LHFPL3: variants seen among roughly 807,000 people sequenced by gnomAD.
The protein encoded by LHFPL3 is LHFPL tetraspan subfamily member 3.
In LHFPL3, 5 loss-of-function variants were observed where a neutral mutation model predicts 19.3. The ratio of observed to expected loss-of-function variants is 0.26; its 90% confidence interval spans 0.14 to 0.54. The LOEUF (loss-of-function observed/expected upper bound fraction) is 0.54, where lower values mean the gene tolerates loss of function less well. LHFPL3 is among the 20% of genes least tolerant of loss of function. The pLI is 0.94. For missense variants in LHFPL3, 249 were observed against 307.4 expected (o/e 0.81, Z 1.42); for synonymous variants, 133 against 126.2 (o/e 1.05, Z -0.36).
At chr7:104,795,894 G>A (rs980168261) in intron 2 of LHFPL3, among the ~76,000 whole-genome samples, 6 of 152,316 alleles carry the variant, frequency 3.9e-5, no homozygotes, top group Non-Finnish European at 7.3e-5. Context: ...GGCAGCAAAT[G>A]AGCCAGGATG....
At chr7:104,801,706 G>C (rs1790249850) in intron 2 of LHFPL3, among the ~76,000 whole-genome samples, 1 of 152,096 alleles carries the variant, frequency 6.6e-6, no homozygotes, top group African/African-American at 2.4e-5. Context: ...AAGTAGTTGG[G>C]ACTACAGGCA....
intron 1 of LHFPL3, among the ~76,000 whole-genome samples, chr7:104,573,785 A>G (rs1584411309): frequency 6.6e-6 from 1 of 152,212 alleles, no homozygotes; most frequent in African/African-American, 2.4e-5. Context: ...TCTCAACATT[A>G]TCATTTATTC....
chr7:104,654,668 GTAA>G (rs763165307), intron 1 of LHFPL3, among the ~76,000 whole-genome samples: 4 of 152,204 alleles, frequency 2.6e-5, no homozygotes, highest in Non-Finnish European at 5.9e-5. Context: ...AATGGTTGTA[GTAA>G]TAATACTTGT....
At chr7:104,575,101 T>C (rs1241196111) in intron 1 of LHFPL3, among the ~76,000 whole-genome samples, 1 of 145,434 alleles carries the variant, frequency 6.9e-6, no homozygotes, top group Non-Finnish European at 1.5e-5. Flanking sequence ...GGAACACAAA[T>C]AACAGAAGAC....
chr7:104,587,315 T>C (rs921138798), intron 1 of LHFPL3, among the ~76,000 whole-genome samples: 4 of 152,142 alleles, frequency 2.6e-5, no homozygotes, highest in South Asian at 4.1e-4. Context: ...TTCCCCACCC[T>C]GTGTCCAAGT....
At chr7:104,769,705 C>A (rs547273824) in intron 2 of LHFPL3, among the ~76,000 whole-genome samples, 1 of 151,582 alleles carries the variant, frequency 6.6e-6, no homozygotes, top group Non-Finnish European at 1.5e-5. Flanking sequence ...TGAGAACATG[C>A]GGTGTTTGGT....
chr7:104,644,669 T>TAGCTGTGG (rs1469180158), intron 1 of LHFPL3, among the ~76,000 whole-genome samples: 1 of 152,176 alleles, frequency 6.6e-6, no homozygotes, highest in East Asian at 1.9e-4. Context: ...GCTTTATACT[T>TAGCTGTGG]AGCTGTGGAG....
chr7:104,491,707 T>C (rs1039454398), intron 1 of LHFPL3, among the ~76,000 whole-genome samples: 2 of 152,310 alleles, frequency 1.3e-5, no homozygotes, highest in South Asian at 2.1e-4. Context: ...CATAAAGCAA[T>C]GTGCACAGAA....
At chr7:104,386,815 G>C (rs192449818) in intron 1 of LHFPL3, among the ~76,000 whole-genome samples, 1 of 151,944 alleles carries the variant, frequency 6.6e-6, no homozygotes, top group Admixed American at 6.6e-5. Flanking sequence ...ATTATTTCAA[G>C]AAAGCCACTA....
chr7:104,365,797 A>AAGAAAAAAAAG (rs1554381873), intron 1 of LHFPL3, among the ~76,000 whole-genome samples: 3 of 125,968 alleles, frequency 2.4e-5, no homozygotes, highest in Non-Finnish European at 3.3e-5. Context: ...CAAAAAAAAA[A>AAGAAAAAAAAG]AAAAAAAAGA....
intron 1 of LHFPL3, among the ~76,000 whole-genome samples, chr7:104,442,221 C>A (rs1584322891): frequency 1.5e-5 from 2 of 133,126 alleles, no homozygotes; most frequent in South Asian, 5.3e-4. Flanking sequence ...CTATTCAATT[C>A]TTTGCTCATT....
intron 1 of LHFPL3, chr7:104,622,964 A>T: frequency 3.1e-6 from 1 of 321,570 alleles, no homozygotes; most frequent in Non-Finnish European, 6.4e-6. Flanking sequence ...TTTATCTGTC[A>T]TTTTTATTAT....
At chr7:104,791,932 C>T (rs150798716) in intron 2 of LHFPL3, among the ~76,000 whole-genome samples, 2 of 152,270 alleles carry the variant, frequency 1.3e-5, no homozygotes, top group African/African-American at 4.8e-5. Flanking sequence ...CTTGGGATAG[C>T]ATGCTCTCAG....
At chr7:104,542,586 A>G (rs368175546) in intron 1 of LHFPL3, among the ~76,000 whole-genome samples, 16 of 151,862 alleles carry the variant, frequency 1.1e-4, no homozygotes, top group Admixed American at 1.0e-3. Flanking sequence ...CCAAGAGACC[A>G]TGAATAGACA....
intron 1 of LHFPL3, among the ~76,000 whole-genome samples, chr7:104,349,073 T>A (rs144845792): frequency 6.6e-6 from 1 of 151,888 alleles, no homozygotes; most frequent in East Asian, 1.9e-4. Flanking sequence ...AAGTTAAAAC[T>A]CTCTGGGAAG....
chr7:104,703,036 A>T (rs1793131086), intron 1 of LHFPL3, among the ~76,000 whole-genome samples: 1 of 152,164 alleles, frequency 6.6e-6, no homozygotes, highest in Non-Finnish European at 1.5e-5. Context: ...TGAAATAAAG[A>T]TTTCTATTTC....
chr7:104,496,006 A>G (rs1281045612), intron 1 of LHFPL3, among the ~76,000 whole-genome samples: 1 of 152,156 alleles, frequency 6.6e-6, no homozygotes, highest in Non-Finnish European at 1.5e-5. Flanking sequence ...TTTAGGATAC[A>G]TGTGCACAAC....
chr7:104,612,693 C>T (rs1343219211), intron 1 of LHFPL3, among the ~76,000 whole-genome samples: 12 of 152,156 alleles, frequency 7.9e-5, no homozygotes, highest in Admixed American at 2.6e-4. Context: ...CTTCATGCCG[C>T]TCAGCTGATT....
chr7:104,655,363 T>A (rs1228750959), intron 1 of LHFPL3, among the ~76,000 whole-genome samples: 1 of 152,136 alleles, frequency 6.6e-6, no homozygotes. Context: ...GGTATCTGGG[T>A]TTACATTATG....
Sources: allele counts gnomAD v4.1 joint callset (sites outside exome capture counted in the v4.1 genomes callset), GRCh38; gene constraint gnomAD v4.1.1; transcripts MANE v1.5; gene names NCBI Gene and HGNC (gene_info 2026-07-23, HGNC 2026-07-21).